The following LIN9 variants were observed in gnomAD, a reference collection of about 807,000 sequenced individuals.
LIN9 encodes lin-9 DREAM MuvB core complex component.
A neutral mutation model predicts 78.0 loss-of-function variants in LIN9; 18 were observed. The ratio of observed to expected loss-of-function variants is 0.23; its 90% CI spans 0.16 to 0.34. LIN9 has a LOEUF of 0.34. Among genes scored for constraint, LIN9 ranks in the 10% least tolerant of loss-of-function variants. The pLI is 1.00. For synonymous variants in LIN9, 192 were observed against 215.2 expected (o/e 0.89, Z 0.94); for missense variants, 451 against 644.1 (o/e 0.70, Z 3.25).
chr1:226,274,022 G>A (rs1352408773), intron 7 of LIN9, among the ~76,000 whole-genome samples: 4 of 152,016 alleles, frequency 2.6e-5, no homozygotes, highest in South Asian at 2.1e-4. Flanking sequence ...ATTTTTAGTA[G>A]AGACAGGGTT....
chr1:226,299,926 CTT>C (rs568117487), intron 2 of LIN9, among the ~76,000 whole-genome samples: 13 of 136,756 alleles, frequency 9.5e-5, no homozygotes, highest in Non-Finnish European at 8.0e-5. Context: ...AAGCAAGATT[CTT>C]TTTTTTTTTT....
chr1:226,272,135 C>T lies in LIN9; in HGVS notation c.683-4045G>A, dbSNP rs1660321614. On this transcript the variant is annotated intron_variant, in intron 7 of 14. Transcript: ENST00000681046. ...CAGTGGGTGAGATCTTGGCTCGCTG[C>T]AACTTCTACCTCCCAGGTTCAAGTG... Among the ~76,000 whole-genome samples the T allele has an allele frequency of 2.0e-5, 3 of 151,028 alleles. No individual in the cohort carries two copies. In the South Asian group the frequency reaches 6.3e-4, roughly 32 times the overall value.
At chr1:226,259,183 T>A (rs1659406931) in intron 10 of LIN9, among the ~76,000 whole-genome samples, 1 of 151,852 alleles carries the variant, frequency 6.6e-6, no homozygotes, top group South Asian at 2.1e-4. Flanking sequence ...TGGTCTCGAA[T>A]TCCTGACCTC....
intron 3 of LIN9, 99 bp from the exon 4 acceptor site, chr1:226,296,045 T>C (rs1005293935): frequency 3.9e-5 from 27 of 700,286 alleles, no homozygotes; most frequent in Non-Finnish European, 6.0e-5. Flanking sequence ...AACTCTGGAT[T>C]ATCAGCAGTA....
intron 1 of LIN9, among the ~76,000 whole-genome samples, chr1:226,305,371 C>T (rs968610096): frequency 3.5e-5 from 5 of 141,240 alleles, no homozygotes; most frequent in South Asian, 2.3e-4. Context: ...TACATGCCTG[C>T]GGTCCCAGCT....
In LIN9 at chr1:226,256,538, TAATA is replaced by T. The variant is rs1294618486; in HGVS notation, c.1039-5623_1039-5620del. On this transcript the variant is annotated intron_variant, in intron 10 of 14. Transcript: ENST00000681046. ...ACACCGCCAGACCTTATCTCTACAA[TAATA>T]AATAAAATAAATATATATATATATA... Among the ~76,000 whole-genome samples the T allele has an allele frequency of 2.0e-5, 3 of 150,560 alleles. No individual in the cohort carries two copies. The East Asian group carries it at 5.8e-4, about 29-fold the overall frequency.
intron 4 of LIN9, among the ~76,000 whole-genome samples, chr1:226,289,960 T>C (rs1339602935): frequency 1.3e-5 from 2 of 151,322 alleles, no homozygotes; most frequent in Admixed American, 6.6e-5. Flanking sequence ...AATTCTAAAA[T>C]GATAAATTTT....
intron 1 of LIN9, among the ~76,000 whole-genome samples, chr1:226,304,432 A>T (rs72764508): frequency 9.1e-4 from 138 of 152,164 alleles, no homozygotes; most frequent in Non-Finnish European, 1.6e-3. Context: ...CCAAAGAACA[A>T]GACAAACAAA....
chr1:226,262,734 T>C (rs981904656), intron 10 of LIN9, among the ~76,000 whole-genome samples: 1 of 152,142 alleles, frequency 6.6e-6, no homozygotes, highest in Non-Finnish European at 1.5e-5. Flanking sequence ...GTCAGTTTCT[T>C]ATATAACTAA....
intron 10 of LIN9, among the ~76,000 whole-genome samples, chr1:226,252,196 C>T (rs1364909722): frequency 6.6e-6 from 1 of 151,742 alleles, no homozygotes; most frequent in African/African-American, 2.4e-5. Context: ...GGTGGGAGAA[C>T]TTTGAGCCTG....
At chr1:226,277,975 A>G in intron 6 of LIN9, 43 bp from the exon 7 acceptor site, 1 of 1,464,548 alleles carries the variant, frequency 6.8e-7, no homozygotes, top group South Asian at 1.2e-5. Flanking sequence ...TAACTACCCC[A>G]TATAAAAACT....
At chr1:226,242,596 A>G (rs1658185849) in intron 11 of LIN9, among the ~76,000 whole-genome samples, 1 of 152,230 alleles carries the variant, frequency 6.6e-6, no homozygotes, top group Non-Finnish European at 1.5e-5. Context: ...CTCAGACAAC[A>G]CAGGTTTGAA....
intron 12 of LIN9, among the ~76,000 whole-genome samples, chr1:226,237,788 TA>T (rs1297334264): frequency 7.9e-5 from 12 of 151,088 alleles, no homozygotes. Context: ...CCATCTCTAC[TA>T]AAAATACAAA....
chr1:226,304,306 T>C (rs551886316), intron 1 of LIN9, among the ~76,000 whole-genome samples: 2 of 152,284 alleles, frequency 1.3e-5, no homozygotes, highest in East Asian at 1.9e-4. Flanking sequence ...TTCATACTCA[T>C]GTGTGAGATG....
At chr1:226,259,949 A>AAT in intron 10 of LIN9, among the ~76,000 whole-genome samples, 1 of 118,042 alleles carries the variant, frequency 8.5e-6, no homozygotes. Flanking sequence ...AACAGAAAAT[A>AAT]GAAAAAAATC....
chr1:226,233,237 AAT>A (rs775729668), intron 13 of LIN9, 44 bp from the exon 14 acceptor site: 4 of 1,534,304 alleles, frequency 2.6e-6, no homozygotes, highest in Non-Finnish European at 3.6e-6. Flanking sequence ...TTATAGCTCA[AAT>A]ATAGTCATAA....
chr1:226,291,073 G>A (rs757301119), intron 4 of LIN9, among the ~76,000 whole-genome samples: 4 of 152,202 alleles, frequency 2.6e-5, no homozygotes, highest in South Asian at 2.1e-4. Context: ...CAATTTATTC[G>A]GAGAGTATTT....
chr1:226,236,092 T>C (rs1385472175), intron 12 of LIN9, among the ~76,000 whole-genome samples: 1 of 152,168 alleles, frequency 6.6e-6, no homozygotes, highest in Non-Finnish European at 1.5e-5. Context: ...CAGTTCCCTA[T>C]GTGTGGGCAT....
At chr1:226,271,785 T>C (rs1270716442) in intron 7 of LIN9, among the ~76,000 whole-genome samples, 1 of 152,180 alleles carries the variant, frequency 6.6e-6, no homozygotes, top group Non-Finnish European at 1.5e-5. Context: ...TATATAGTAA[T>C]ATACATACAT....
Sources: gnomAD v4.1 joint callset for allele counts (sites outside exome capture counted in the v4.1 genomes callset) on GRCh38, gnomAD v4.1.1 for gene constraint, MANE v1.5 for transcripts, NCBI Gene and HGNC (gene_info 2026-07-23, HGNC 2026-07-21) for gene names.